BOD1L1: variants seen among roughly 807,000 people sequenced by gnomAD.
The protein encoded by BOD1L1 is biorientation of chromosomes in cell division protein 1-like 1.
BOD1L1 carries 86 observed loss-of-function variants against 240.7 expected under a neutral mutation model. The ratio of observed to expected loss-of-function variants is 0.36; its 90% CI spans 0.30 to 0.43. BOD1L1 has a LOEUF of 0.43. Among genes scored for constraint, BOD1L1 ranks in the 20% least tolerant of loss-of-function variants. The probability of loss-of-function intolerance (pLI) is 1.00; values close to 1 mark genes in which losing one functional copy is unlikely to be tolerated. For synonymous variants in BOD1L1, 1,268 were observed against 1,272.3 expected, an observed-to-expected ratio of 1.00 and a Z score of 0.07; for missense variants, 3,554 against 3,643.5, an observed-to-expected ratio of 0.98 and a Z score of 0.63.
In BOD1L1 at chr4:13,604,368, CCTT is replaced by C; in HGVS notation, c.2529_2531del (p.Arg844del). On this transcript the variant is annotated inframe_deletion, in exon 10 of 26. Transcript: ENST00000040738. ...CTTTCTGAATTTTAGAATCACTTGA[CCTT>C]CTTGATTTGTGCTCTGCCTTAGTTT... 1 of 1,582,332 alleles carries C rather than the reference CCTT, an allele frequency of 6.3e-7. No homozygotes were observed. The highest frequency in any genetic ancestry group is 8.5e-7 in the Non-Finnish European group (1 of 1,171,108).
At chr4:13,622,321 C>T (rs1261780705) in intron 1 of BOD1L1, among the ~76,000 whole-genome samples, 1 of 152,140 alleles carries the variant, frequency 6.6e-6, no homozygotes, top group Admixed American at 6.5e-5. Flanking sequence ...ATCTGAACTA[C>T]TCAACAGGTA....
At chr4:13,625,701 C>T (rs377218254) in intron 1 of BOD1L1, 22 of 152,200 alleles carry the variant, frequency 1.4e-4, no homozygotes, top group African/African-American at 4.8e-4. Context: ...AACCTTTTCC[C>T]ATTAAATAAC....
chr4:13,602,211 G>A lies in BOD1L1; in HGVS notation c.4689C>T (p.Leu1563=). 6.2e-7 allele frequency: 1 copy of A among 1,613,656 alleles called. No homozygotes were observed. Among genetic ancestry groups the A allele is most frequent in the Middle Eastern group, 1.6e-4 (1 of 6,062 alleles). Residue 1563 remains leucine (L), a synonymous_variant, in exon 10 of 26, where the codon CTC becomes CTT. Transcript: ENST00000040738. ...PCTSIEADEG[L]IIGTHSRNNP... ...TATTTCTGGAATGTGTTCCTATTAT[G>A]AGGCCTTCATCTGCCTCAATGCTGG...
Position 13,601,588 on chromosome 4 carries a change from G to T in BOD1L1, c.5312C>A (p.Thr1771Lys). 1.2e-6 allele frequency: 2 copies of T among 1,613,950 alleles called. No homozygotes were observed. Among genetic ancestry groups the T allele is most frequent in the Non-Finnish European group, 1.7e-6 (2 of 1,179,904 alleles). ...ACCATCTCCTTCTTGGCTGGCACTT[G>T]TTCCTGGTGGTGCATCATTATCTCC... ...VLGDNDAPPG[T>K]SASQEGDGSV... Residue 1771 changes from threonine to lysine, a missense_variant, in exon 10 of 26, where the codon ACA (threonine) becomes AAA (lysine). Thr to Lys is a moderately conservative substitution (Grantham distance 78). This residue lies in a region of BOD1L1 where 3,393 missense variants were observed against 3,427.1 expected (regional missense o/e 0.99). Transcript: ENST00000040738.
rs371501928 is a variant in BOD1L1, at chr4:13,600,714, T to C, written c.6186A>G (p.Ala2062=). The change falls in exon 10 of 26, where the codon GCA becomes GCG. Residue 2062 remains alanine, a synonymous_variant. Coordinates refer to ENST00000040738, the MANE Select transcript of BOD1L1 (RefSeq NM_148894.3). ...AAACTTTGCCTTGATTTTTACCCCCTGCTAAGCTATTCTGGTTGGTAATAT... is the reference window on the plus strand; with the variant it reads ...AAACTTTGCCTTGATTTTTACCCCCCGCTAAGCTATTCTGGTTGGTAATAT... ...SGDITNQNSL[A]GGKNQGKVLI... is the part of the protein sequence containing the mutation. 3.1e-6 allele frequency: 5 copies of C among 1,613,932 alleles called. No homozygotes were observed. The highest frequency in any genetic ancestry group is 4.2e-6 in the Non-Finnish European group (5 of 1,179,906).
chr4:13,604,516 T>C lies in BOD1L1; in HGVS notation c.2384A>G (p.Asn795Ser), dbSNP rs564664460. The C allele has an allele frequency of 5.9e-6, 9 of 1,531,292 alleles. No individual in the cohort carries two copies. The highest frequency in any genetic ancestry group is 4.2e-5 in the African/African-American group (3 of 71,722). The allele number at this position is 1,531,292 out of a possible 1,614,324, so 94.9% of individuals were successfully genotyped here. A position where few individuals can be genotyped will look rare whatever the true frequency, so the allele number is the denominator to read the frequency against. Residue 795 changes from asparagine (N) to serine (S), a missense_variant, in exon 10 of 26, where the codon AAT (asparagine) becomes AGT (serine). Transcript: ENST00000040738. The stretch of plus-strand genomic sequence containing the variant: ...GCCTAATACTGATAATTTCCTTTCA[T>C]TCCTATGTTTACTTTTTCGTTCGGT... The part of the protein sequence containing the change: ...DKTERKSKHR[N>S]ERKLSVLGKD...
chr4:13,602,026 T>A lies in BOD1L1; in HGVS notation c.4874A>T (p.Asp1625Val), dbSNP rs760579857. Residue 1625 changes from aspartate to valine, a missense_variant, in exon 10 of 26, where the codon GAC (aspartate) becomes GTC (valine). By Grantham distance (152) the Asp-to-Val change is radical (BLOSUM62 -3). Transcript: ENST00000040738. ...CACAGCCAGTAGGTCTGCTGCTCTG[T>A]CCTCAGATTCAGCCACAGCACACTC... ...SGECAVAESE[D>V]RAADLLAVHA... 1 of 1,613,978 alleles carries A rather than the reference T, an allele frequency of 6.2e-7. No homozygotes were observed. Among genetic ancestry groups the A allele is most frequent in the Non-Finnish European group, 8.5e-7 (1 of 1,179,890 alleles).
chr4:13,572,838 G>A, intron 25 of BOD1L1: 4 of 1,289,654 alleles, frequency 3.1e-6, no homozygotes, highest in African/African-American at 3.0e-5. Context: ...TTGCTATGTT[G>A]CTTTCTGAAA....
In BOD1L1 at chr4:13,603,134, A is replaced by G; in HGVS notation, c.3766T>C (p.Leu1256=). The G allele has an allele frequency of 3.7e-6, 6 of 1,614,022 alleles. No homozygotes were observed. Among genetic ancestry groups the G allele is most frequent in the Non-Finnish European group, 5.1e-6 (6 of 1,179,886 alleles). Residue 1256 remains leucine, a synonymous_variant, in exon 10 of 26, where the codon TTG becomes CTG. Transcript: ENST00000040738. ...PSENDRVQKN[L]KNTAAEEHVA... is the part of the protein sequence containing the mutation. ...TGTTCTTCAGCAGCTGTGTTTTTCA[A>G]ATTCTTCTGTACCCTATCATTTTCT...
chr4:13,569,477 A>T lies in BOD1L1; in HGVS notation c.*534T>A, dbSNP rs1577296812. The T allele has an allele frequency of 6.6e-6, 1 of 152,182 alleles. No individual in the cohort carries two copies. The highest frequency in any genetic ancestry group is 2.4e-5 in the African/African-American group (1 of 41,430). The allele number at this position is 152,182 out of a possible 1,614,324, so 9.4% of individuals were successfully genotyped here. ...TACAGAGCAGGCAGAGTCCTAAAAA[A>T]TTTTCTACTAATGACTGCATAGCAT... On this transcript the variant is annotated 3_prime_UTR_variant, in exon 26 of 26. Transcript: ENST00000040738.
At chr4:13,577,762 A>C in intron 22 of BOD1L1, 131 bp from the exon 23 acceptor site, 3 of 660,206 alleles carry the variant, frequency 4.5e-6, no homozygotes, top group Non-Finnish European at 7.7e-6. Context: ...ATCTTGTATC[A>C]GTCAAGCAAA....
rs5856197 is a variant in BOD1L1, at chr4:13,596,585, T to TAA, written c.8019+517_8019+518dup. On this transcript the variant is annotated intron_variant, in intron 11 of 25. Coordinates refer to ENST00000040738, the MANE Select transcript of BOD1L1 (RefSeq NM_148894.3). ...TTGTGTAAAGCACCAAAGCCATGCTTAAAAAAAAAAAAGCAGATTTTATTC... is the reference window on the plus strand; with the variant it reads ...TTGTGTAAAGCACCAAAGCCATGCTTAAAAAAAAAAAAAAGCAGATTTTATTC... Among the ~76,000 whole-genome samples, 260 of 146,754 alleles carry TAA rather than the reference T, an allele frequency of 1.8e-3. 1 individual carries two copies. The highest frequency in any genetic ancestry group is 2.2e-3 in the Non-Finnish European group (148 of 66,630).
At chr4:13,607,040 C>A in intron 9 of BOD1L1, 77 bp downstream of exon 9, 1 of 990,120 alleles carries the variant, frequency 1.0e-6, no homozygotes, top group Non-Finnish European at 1.4e-6. Flanking sequence ...AAATTACATT[C>A]TAAGTTTTAC....
intron 6 of BOD1L1, among the ~76,000 whole-genome samples, chr4:13,609,945 A>T (rs986316936): frequency 1.3e-5 from 2 of 152,182 alleles, no homozygotes; most frequent in African/African-American, 4.8e-5. Flanking sequence ...TCATTGTGCT[A>T]TTCCTACTAT....
intron 24 of BOD1L1, 54 bp downstream of exon 24, chr4:13,577,349 T>C (rs1309861951): frequency 6.6e-7 from 1 of 1,505,056 alleles, no homozygotes; most frequent in Non-Finnish European, 9.1e-7. Flanking sequence ...AAAAACTCTT[T>C]AAAAAGGTGG....
At chr4:13,619,044 C>T (rs1251580658) in intron 2 of BOD1L1, among the ~76,000 whole-genome samples, 1 of 151,848 alleles carries the variant, frequency 6.6e-6, no homozygotes, top group African/African-American at 2.4e-5. Context: ...AAGTAGTGGC[C>T]AGGTGAGGTG....
Position 13,614,540 on chromosome 4 carries a change from G to A in BOD1L1, c.830C>T (p.Ser277Phe). ...GGEGLETAPKSEEFSDLPCPV... is the reference protein window; with the variant it reads ...GGEGLETAPKFEEFSDLPCPV... ...ACAGGGGAGGTCGCTGAACTCTTCA[G>A]ACTTTGGGGCTGTTTCCAGTCCTTC... Residue 277 changes from serine (S) to phenylalanine (F), a missense_variant, in exon 4 of 26, where the codon TCT (serine) becomes TTT (phenylalanine). Around this residue, in one of 2 missense-constraint regions of BOD1L1, gnomAD observed 3,393 missense variants for 3,427.1 expected, o/e 0.99. Coordinates refer to ENST00000040738, the MANE Select transcript of BOD1L1 (RefSeq NM_148894.3). 1 of 1,613,954 alleles carries A rather than the reference G, an allele frequency of 6.2e-7. No individual in the cohort carries two copies. Among genetic ancestry groups the A allele is most frequent in the South Asian group, 1.1e-5 (1 of 91,082 alleles).
At chr4:13,594,433 T>C (rs1577335768) in intron 12 of BOD1L1, among the ~76,000 whole-genome samples, 1 of 152,208 alleles carries the variant, frequency 6.6e-6, no homozygotes. Context: ...TCCATTTCCT[T>C]AAGCCAGTAT....
intron 10 of BOD1L1, among the ~76,000 whole-genome samples, chr4:13,597,537 GATTT>G (rs1714724162): frequency 6.6e-6 from 1 of 152,166 alleles, no homozygotes; most frequent in African/African-American, 2.4e-5. Context: ...CAGTAAAGGT[GATTT>G]ATTAACAGAT....
Sources: allele counts gnomAD v4.1 joint callset (sites outside exome capture counted in the v4.1 genomes callset), GRCh38; gene constraint gnomAD v4.1.1; regional missense constraint gnomAD v4.1.1; transcripts MANE v1.5; gene names NCBI Gene and HGNC (gene_info 2026-07-23, HGNC 2026-07-21).